Variants in METTL24 observed in about 807,000 individuals in gnomAD.
The protein encoded by METTL24 is probable methyltransferase-like protein 24.
Under a neutral mutation model 32.7 loss-of-function variants are expected in METTL24, and 29 were observed. The observed-to-expected ratio is 0.89, with a 90% CI of 0.66 to 1.21. The LOEUF (loss-of-function observed/expected upper bound fraction) is 1.21, where lower values mean the gene tolerates loss of function less well. Ranked by LOEUF, METTL24 falls within the 50% of genes most tolerant of loss-of-function variation. The pLI is 0.00. For missense variants in METTL24, 439 were observed against 468.1 expected, an observed-to-expected ratio of 0.94 and a Z score of 0.57; for synonymous variants, 163 against 179.5, an observed-to-expected ratio of 0.91 and a Z score of 0.73.
At chr6:110,283,656 C>T (rs1308929079) in intron 4 of METTL24, among the ~76,000 whole-genome samples, 2 of 152,174 alleles carry the variant, frequency 1.3e-5, no homozygotes, top group African/African-American at 2.4e-5. Context: ...CCATAGCACA[C>T]CGTATTTTTT....
intron 3 of METTL24, among the ~76,000 whole-genome samples, chr6:110,314,526 C>T (rs1052518608): frequency 2.0e-5 from 3 of 152,054 alleles, no homozygotes; most frequent in African/African-American, 7.2e-5. Flanking sequence ...ACAGTTTTGA[C>T]AAAATGACAT....
chr6:110,273,463 C>T (rs1379304069), intron 4 of METTL24, among the ~76,000 whole-genome samples: 1 of 151,890 alleles, frequency 6.6e-6, no homozygotes, highest in Non-Finnish European at 1.5e-5. Context: ...TATTCTCAAA[C>T]TATGCATCTG....
At chr6:110,297,043 T>A (rs1353996081) in intron 4 of METTL24, among the ~76,000 whole-genome samples, 5 of 152,254 alleles carry the variant, frequency 3.3e-5, no homozygotes, top group African/African-American at 1.2e-4. Flanking sequence ...TATCAATATC[T>A]TTTAAATTCT....
At chr6:110,293,202 T>G (rs999501010) in intron 4 of METTL24, among the ~76,000 whole-genome samples, 1 of 152,088 alleles carries the variant, frequency 6.6e-6, no homozygotes, top group Admixed American at 6.5e-5. Context: ...ATCATTATGA[T>G]GGTGAGCATT....
intron 3 of METTL24, among the ~76,000 whole-genome samples, chr6:110,314,105 C>A (rs1219347249): frequency 1.3e-5 from 2 of 152,146 alleles, no homozygotes; most frequent in African/African-American, 4.8e-5. Flanking sequence ...CTAACCCTGA[C>A]CACCTAGGAT....
rs903890852 is a variant in METTL24, at chr6:110,245,743, G to A, written c.*203C>T. On this transcript the variant is annotated 3_prime_UTR_variant, in exon 5 of 5. Transcript: ENST00000338882. ...TGAAGGAAGAGTCTGGGCAAATAGG[G>A]GTGACTGTGTTTATCCCTTTAACAA... Among the ~76,000 whole-genome samples, 2 of 152,108 alleles carry A rather than the reference G, an allele frequency of 1.3e-5. No homozygotes were observed. The highest frequency in any genetic ancestry group is 3.9e-4 in the East Asian group (2 of 5,186).
At chr6:110,314,197 CATGGAAACGATCG>C (rs1441194794) in intron 3 of METTL24, among the ~76,000 whole-genome samples, 2 of 152,128 alleles carry the variant, frequency 1.3e-5, no homozygotes, top group Non-Finnish European at 2.9e-5. Context: ...AAGCATGTGA[CATGGAAACGATCG>C]ATGTCACATT....
At chr6:110,283,217 T>C (rs953579953) in intron 4 of METTL24, among the ~76,000 whole-genome samples, 7 of 152,198 alleles carry the variant, frequency 4.6e-5, no homozygotes, top group African/African-American at 1.7e-4. Flanking sequence ...TACACTTTTA[T>C]ATCCACTACA....
intron 4 of METTL24, among the ~76,000 whole-genome samples, chr6:110,286,787 C>T (rs1388134783): frequency 6.6e-6 from 1 of 152,120 alleles, no homozygotes; most frequent in African/African-American, 2.4e-5. Context: ...ACCCTTAATC[C>T]GAGTGGGCAC....
chr6:110,284,054 C>T (rs2114719562), intron 4 of METTL24, among the ~76,000 whole-genome samples: 1 of 152,290 alleles, frequency 6.6e-6, no homozygotes, highest in African/African-American at 2.4e-5. Context: ...AGTTCTGGCA[C>T]ATGCTACAAC....
chr6:110,253,982 A>G (rs1266648462), intron 4 of METTL24: 1 of 1,336,532 alleles, frequency 7.5e-7, no homozygotes. Flanking sequence ...CCTCAACTCA[A>G]GAGCAGCTCC....
At chr6:110,336,456 A>C (rs561140208) in intron 1 of METTL24, among the ~76,000 whole-genome samples, 21 of 152,368 alleles carry the variant, frequency 1.4e-4, no homozygotes, top group Middle Eastern at 3.4e-3. Context: ...AAAGATGGTT[A>C]TCAGCTGGGC....
chr6:110,328,221 C>A (rs1240184423), intron 1 of METTL24, among the ~76,000 whole-genome samples: 1 of 152,076 alleles, frequency 6.6e-6, no homozygotes, highest in Non-Finnish European at 1.5e-5. Flanking sequence ...AAGCATTTCT[C>A]AGGGCAGGCG....
At chr6:110,270,550 T>C (rs1770937627) in intron 4 of METTL24, among the ~76,000 whole-genome samples, 1 of 152,102 alleles carries the variant, frequency 6.6e-6, no homozygotes, top group Non-Finnish European at 1.5e-5. Flanking sequence ...CAGGCAGACA[T>C]TTTTCAGGCG....
intron 4 of METTL24, among the ~76,000 whole-genome samples, chr6:110,247,308 A>G (rs1485101483): frequency 6.6e-6 from 1 of 152,160 alleles, no homozygotes; most frequent in Non-Finnish European, 1.5e-5. Flanking sequence ...TCCCAGTCAC[A>G]TGGCTAGAGA....
chr6:110,344,723 G>T (rs1472773902), intron 1 of METTL24, among the ~76,000 whole-genome samples: 1 of 152,128 alleles, frequency 6.6e-6, no homozygotes, highest in African/African-American at 2.4e-5. Flanking sequence ...TAACTGGCTA[G>T]CCATATACAG....
rs185210073 is a variant in METTL24, at chr6:110,343,110, C to T, written c.318+14845G>A. ...ATTTCTGAGCACTTTTGAACCCTAA[C>T]GTTTATGTCATCACCCTCCGTGTAC... On this transcript the variant is annotated intron_variant, in intron 1 of 4. Coordinates refer to ENST00000338882, the MANE Select transcript of METTL24 (RefSeq NM_001123364.3). 4.1e-4 allele frequency among the ~76,000 whole-genome samples: 61 copies of T among 149,226 alleles called. 1 individual carries two copies. Among genetic ancestry groups the T allele is most frequent in the Non-Finnish European group, 5.9e-5 (4 of 67,984 alleles).
chr6:110,310,388 C>G (rs1771700446), intron 3 of METTL24, among the ~76,000 whole-genome samples: 1 of 152,088 alleles, frequency 6.6e-6, no homozygotes, highest in Admixed American at 6.6e-5. Context: ...GGTGATTTTC[C>G]CCTTTCACTT....
chr6:110,265,141 GAAAGAAA>G (rs1562219841), intron 4 of METTL24, among the ~76,000 whole-genome samples: 168 of 15,036 alleles, frequency 0.011, 1 homozygote, highest in African/African-American at 0.055. Flanking sequence ...AAGAAAGAAA[GAAAGAAA>G]GAAAGAAAGA....
Sources: allele counts gnomAD v4.1 joint callset (sites outside exome capture counted in the v4.1 genomes callset), GRCh38; gene constraint gnomAD v4.1.1; transcripts MANE v1.5; gene names NCBI Gene and HGNC (gene_info 2026-07-23, HGNC 2026-07-21).